The following RHOBTB2 variants were observed in gnomAD, a reference collection of about 807,000 sequenced individuals.
The protein encoded by RHOBTB2 is rho-related BTB domain-containing protein 2.
In RHOBTB2, 39 loss-of-function variants were observed where a neutral mutation model predicts 66.5. The ratio of observed to expected loss-of-function variants is 0.59; its 90% CI spans 0.45 to 0.77. The LOEUF is 0.77. Ranked by LOEUF, RHOBTB2 falls within the 30% of genes least tolerant of loss-of-function variation. The probability of loss-of-function intolerance (pLI) is 0.00; values close to 1 mark genes in which losing one functional copy is unlikely to be tolerated. For synonymous variants in RHOBTB2, 390 were observed against 395.0 expected, an observed-to-expected ratio of 0.99 and a Z score of 0.15; for missense variants, 755 against 999.1, an observed-to-expected ratio of 0.76 and a Z score of 3.29.
chr8:22,973,203 G>A, the RHOBTB2 span, among the ~76,000 whole-genome samples: 1 of 152,094 alleles, frequency 6.6e-6, no homozygotes, highest in Non-Finnish European at 1.5e-5. Flanking sequence ...CTAACCGCCT[G>A]CTTATTTTTC....
At position 23,007,976 on chromosome 8, in the gene RHOBTB2, A is replaced by T. The variant is rs549672154; in HGVS notation, c.1502-17A>T. The T allele has an allele frequency of 5.0e-6, 8 of 1,607,160 alleles. No homozygotes were observed. The East Asian group carries it at 1.3e-4, about 27-fold the overall frequency. On this transcript the variant is annotated splice_polypyrimidine_tract_variant and intron_variant, in intron 5 of 9. Transcript: ENST00000251822. ...AGCTTCTTTCACCAGTCCTCCTGTG[A>T]TGCTTCTTCTGGACAGATGTGACCT...
intron 7 of RHOBTB2, among the ~76,000 whole-genome samples, chr8:23,011,294 T>C (rs191428535): frequency 1.3e-5 from 2 of 152,356 alleles, no homozygotes; most frequent in Admixed American, 1.3e-4. Flanking sequence ...CAGTGCTTTA[T>C]GTTCTTTGCT....
chr8:22,983,924 C>T (rs191273005), upstream of RHOBTB2, among the ~76,000 whole-genome samples: 55 of 152,122 alleles, frequency 3.6e-4, no homozygotes, highest in Middle Eastern at 6.8e-3. Flanking sequence ...TTAGTAGAGA[C>T]GGGGTTTCAC....
At chr8:22,999,371 G>A (rs1810682814), upstream of RHOBTB2, among the ~76,000 whole-genome samples, 1 of 152,132 alleles carries the variant, frequency 6.6e-6, no homozygotes, top group South Asian at 2.1e-4. Context: ...GCGCCACCCA[G>A]ACCCGCGAGC....
At chr8:23,009,531 C>T (rs1811074647) in intron 6 of RHOBTB2, among the ~76,000 whole-genome samples, 1 of 152,160 alleles carries the variant, frequency 6.6e-6, no homozygotes, top group African/African-American at 2.4e-5. Context: ...CACCGTTTCC[C>T]CTACTGTTCT....
rs530478335 is a variant in RHOBTB2 at position 22,991,813 on chromosome 8, G to A, written c.-136-255G>A. ...CCACAGCCCTTCCCAGGTGGCCCCT[G>A]GCAATCCTCCAACCTGGGTCAAAAG... On this transcript the variant is annotated intron_variant, in intron 1 of 11. Transcript: ENST00000519685. Among the ~76,000 whole-genome samples, 6 of 152,296 alleles carry A rather than the reference G, an allele frequency of 3.9e-5. No homozygotes were observed. The South Asian group carries it at 1.2e-3, about 32-fold the overall frequency.
At chr8:23,000,443 A>G (rs963775640) in intron 1 of RHOBTB2, among the ~76,000 whole-genome samples, 1 of 152,214 alleles carries the variant, frequency 6.6e-6, no homozygotes, top group African/African-American at 2.4e-5. Flanking sequence ...TGTTAAGAAA[A>G]CAAACACAAA....
At position 23,007,458 on chromosome 8, in the gene RHOBTB2, C is replaced by G. The variant is rs753416885; in HGVS notation, c.1213C>G (p.Leu405Val). 6.2e-7 allele frequency: 1 copy of G among 1,614,094 alleles called. No individual in the cohort carries two copies. Among genetic ancestry groups the G allele is most frequent in the Non-Finnish European group, 8.5e-7 (1 of 1,180,044 alleles). ...SIQEEMAEDP[L>V]TYKSRLMVVV... ...CCAGGAAGAGATGGCAGAAGATCCT[C>G]TCACCTACAAATCCCGGCTGATGGT... is the stretch of plus-strand genomic sequence containing the variant. Residue 405 changes from leucine (L) to valine (V), a missense_variant, in exon 5 of 10, where the codon CTC (leucine) becomes GTC (valine). Physicochemically the swap from Leu to Val is conservative, Grantham distance 32. Around this residue, in one of 7 missense-constraint regions of RHOBTB2, gnomAD observed 353 missense variants for 458.2 expected, o/e 0.77. Coordinates refer to ENST00000251822, the MANE Select transcript of RHOBTB2 (RefSeq NM_015178.3).
the RHOBTB2 span, among the ~76,000 whole-genome samples, chr8:22,956,584 T>C: frequency 2.6e-5 from 4 of 152,226 alleles, no homozygotes; most frequent in Admixed American, 2.6e-4. Flanking sequence ...TCATGCTTCC[T>C]GTACAGCCTG....
intron 1 of RHOBTB2, among the ~76,000 whole-genome samples, chr8:23,002,052 C>G (rs1408784732): frequency 6.6e-6 from 1 of 152,234 alleles, no homozygotes; most frequent in Non-Finnish European, 1.5e-5. Context: ...ATTATTCTCA[C>G]TGTCAAGGTG....
chr8:23,001,796 G>A (rs1227916663), intron 1 of RHOBTB2, among the ~76,000 whole-genome samples: 2 of 150,608 alleles, frequency 1.3e-5, no homozygotes, highest in African/African-American at 5.0e-5. Flanking sequence ...GAAAGGGTGA[G>A]ATGATACAAA....
At chr8:23,003,670 C>A (rs553350824) in intron 1 of RHOBTB2, among the ~76,000 whole-genome samples, 1 of 152,196 alleles carries the variant, frequency 6.6e-6, no homozygotes, top group African/African-American at 2.4e-5. Context: ...TTCCCCTCAC[C>A]CGCATCTGAA....
chr8:23,009,143 C>T (rs1811058275), intron 6 of RHOBTB2, among the ~76,000 whole-genome samples: 1 of 136,928 alleles, frequency 7.3e-6, no homozygotes, highest in Admixed American at 7.6e-5. Flanking sequence ...GAAACACAGA[C>T]ACCATCTCTA....
the RHOBTB2 span, among the ~76,000 whole-genome samples, chr8:22,960,788 C>T: frequency 3.3e-5 from 5 of 152,244 alleles, no homozygotes; most frequent in Non-Finnish European, 5.9e-5. Context: ...AAGGAACTCA[C>T]GATAAAATTT....
upstream of RHOBTB2, among the ~76,000 whole-genome samples, chr8:22,999,359 C>T (rs1003015271): frequency 2.0e-5 from 3 of 151,702 alleles, no homozygotes; most frequent in African/African-American, 7.3e-5. Flanking sequence ...GTGGAGGGAC[C>T]GGCGCCACCC....
intron 8 of RHOBTB2, 29 bp from the exon 9 acceptor site, chr8:23,015,609 G>T (rs1390608578): frequency 6.6e-7 from 1 of 1,519,316 alleles, no homozygotes; most frequent in Admixed American, 1.7e-5. Flanking sequence ...GGGGATTTCA[G>T]TACAGACGTT....
intron 9 of RHOBTB2, 115 bp downstream of exon 9, chr8:23,015,858 G>A (rs899335853): frequency 1.3e-6 from 1 of 766,838 alleles, no homozygotes; most frequent in Non-Finnish European, 2.1e-6. Context: ...TTGGGGCTGG[G>A]AGCAGCCTGC....
At chr8:22,969,359 A>G in the RHOBTB2 span, among the ~76,000 whole-genome samples, 2 of 152,254 alleles carry the variant, frequency 1.3e-5, no homozygotes, top group African/African-American at 4.8e-5. Context: ...GACACAGCCA[A>G]ACCATATCAC....
intron 3 of RHOBTB2, among the ~76,000 whole-genome samples, 177 bp downstream of exon 3, chr8:23,005,652 G>A (rs1019763951): frequency 1.3e-5 from 2 of 152,172 alleles, no homozygotes; most frequent in African/African-American, 4.8e-5. Flanking sequence ...GCCTGGGTCC[G>A]GGATCAGGAA....
Sources: gnomAD v4.1 joint callset for allele counts (sites outside exome capture counted in the v4.1 genomes callset) on GRCh38, gnomAD v4.1.1 for gene constraint, gnomAD v4.1.1 regional missense constraint, MANE v1.5 for transcripts, NCBI Gene and HGNC (gene_info 2026-07-23, HGNC 2026-07-21) for gene names.